The following P2RX5 variants were observed in gnomAD, a reference collection of about 807,000 sequenced individuals.
The protein encoded by P2RX5 is purinergic receptor P2X 5.
A neutral mutation model predicts 54.1 loss-of-function variants in P2RX5; 46 were observed. The ratio of observed to expected loss-of-function variants is 0.85; its 90% CI spans 0.67 to 1.09. The LOEUF is 1.09. Among genes scored for constraint, P2RX5 ranks in the 50% least tolerant of loss-of-function variants. P2RX5 has a pLI of 0.00. For missense variants in P2RX5, 566 were observed against 549.8 expected (o/e 1.03, Z -0.29); for synonymous variants, 226 against 226.4 (o/e 1.00, Z 0.02).
At chr17:3,700,831 C>G (rs1461084320), upstream of P2RX5, among the ~76,000 whole-genome samples, 1 of 152,156 alleles carries the variant, frequency 6.6e-6, no homozygotes, top group Non-Finnish European at 1.5e-5. Context: ...TCCTCTCTCT[C>G]CTGCTGCCTC....
intron 9 of P2RX5, among the ~76,000 whole-genome samples, chr17:3,684,959 C>A (rs754297794): frequency 6.6e-6 from 1 of 151,290 alleles, no homozygotes; most frequent in East Asian, 2.0e-4. Flanking sequence ...GATTCTCCTG[C>A]CTCAGCCTCC....
At chr17:3,723,286 A>G in the P2RX5 span, 2 of 1,600,852 alleles carry the variant, frequency 1.2e-6, no homozygotes, top group Non-Finnish European at 8.6e-7. Context: ...AGTCTCAAAC[A>G]CCTCCTCAGA....
the P2RX5 span, among the ~76,000 whole-genome samples, chr17:3,716,319 C>G: frequency 6.6e-6 from 1 of 152,152 alleles, no homozygotes; most frequent in Non-Finnish European, 1.5e-5. Flanking sequence ...ACAGTCACAT[C>G]TGTTTTAAGG....
At chr17:3,676,092 T>G in intron 11 of P2RX5, 1 of 985,404 alleles carries the variant, frequency 1.0e-6, no homozygotes, top group Non-Finnish European at 1.2e-6. Flanking sequence ...CAGACAGCAC[T>G]GGGACTGGTT....
chr17:3,719,619 T>G, the P2RX5 span, among the ~76,000 whole-genome samples: 1 of 152,232 alleles, frequency 6.6e-6, no homozygotes, highest in Non-Finnish European at 1.5e-5. Flanking sequence ...TATAAAAGAT[T>G]TATGCATTCC....
chr17:3,711,666 G>A, the P2RX5 span, among the ~76,000 whole-genome samples: 1 of 151,558 alleles, frequency 6.6e-6, no homozygotes, highest in Non-Finnish European at 1.5e-5. Context: ...TTACAGGCGT[G>A]AGCCACTGCG....
At chr17:3,692,008 C>A in intron 1 of P2RX5, 1 of 585,010 alleles carries the variant, frequency 1.7e-6, no homozygotes, top group East Asian at 2.9e-5. Flanking sequence ...ACAAGCAACC[C>A]TAGAGATGGG....
chr17:3,706,893 C>T, the P2RX5 span, among the ~76,000 whole-genome samples: 104,353 of 152,062 alleles, frequency 0.69, 38,208 homozygotes, highest in East Asian at 0.96. Context: ...TACAGGCGTG[C>T]GCCACTGCGC....
chr17:3,696,151 G>C lies in P2RX5; in HGVS notation c.-146C>G. 1 of 718,672 alleles carries C rather than the reference G, an allele frequency of 1.4e-6. No individual in the cohort carries two copies. The highest frequency in any genetic ancestry group is 1.9e-6 in the Non-Finnish European group (1 of 519,306). 44.5% of individuals were successfully genotyped at this position (718,672 alleles called of 1,614,324 possible). A position where few individuals can be genotyped will look rare whatever the true frequency, so the allele number is the denominator to read the frequency against. On this transcript the variant is annotated 5_prime_UTR_variant, in exon 1 of 12. Transcript: ENST00000225328. ...AGCCCGGGGTGTCCGGCAGGGCTGC[G>C]GGGCGCGGGGGCGGGTCGGGGCGGC...
the P2RX5 span, chr17:3,723,760 T>G: frequency 6.2e-7 from 1 of 1,606,290 alleles, no homozygotes; most frequent in Non-Finnish European, 8.5e-7. Flanking sequence ...ACGAGAGCCA[T>G]GACCGCGACG....
intron 1 of P2RX5, among the ~76,000 whole-genome samples, chr17:3,692,700 G>A (rs1381659688): frequency 1.3e-5 from 2 of 152,090 alleles, no homozygotes; most frequent in African/African-American, 2.4e-5. Flanking sequence ...AAGTAATCTA[G>A]GCATGGTGGC....
the P2RX5 span, among the ~76,000 whole-genome samples, chr17:3,701,383 TG>T: frequency 6.6e-6 from 1 of 152,072 alleles, no homozygotes; most frequent in Non-Finnish European, 1.5e-5. Context: ...TGCAGTGAAG[TG>T]ATGAGAACTA....
At chr17:3,679,467 C>T in intron 11 of P2RX5, 123 bp downstream of exon 11, 1 of 851,606 alleles carries the variant, frequency 1.2e-6, no homozygotes, top group South Asian at 1.5e-5. Flanking sequence ...GATGTCCTGC[C>T]TTGTGGCCAG....
rs538168380 is a variant in P2RX5 at position 3,695,880 on chromosome 17, C to T, written c.126G>A (p.Ala42=). 1.6e-5 allele frequency: 25 copies of T among 1,610,178 alleles called. No homozygotes were observed. In the East Asian group the frequency reaches 5.4e-4, roughly 35 times the overall value. ...LYRLLQASIL[A]YLVVWVFLIK... ...CGCGGAGAACTTACACGACCAGGTA[C>T]GCCAGGATGGAGGCCTGCAGCAGCC... The change falls in exon 1 of 12, where the codon GCG becomes GCA. Residue 42 remains alanine, a synonymous_variant. Coordinates refer to ENST00000225328, the MANE Select transcript of P2RX5 (RefSeq NM_002561.4).
Position 3,688,686 on chromosome 17 carries a change from T to C in P2RX5, c.827A>G (p.Tyr276Cys). 1 of 1,613,796 alleles carries C rather than the reference T, an allele frequency of 6.2e-7. No individual in the cohort carries two copies. The highest frequency in any genetic ancestry group is 1.3e-5 in the African/African-American group (1 of 75,026). ...TTTATTGTCCAGACGGCTAAAAGAA[T>C]AGTGAGGGTGGCACTCAGAGGCAGC... ...DKAASECHPHYSFSRLDNKLS... is the reference protein window; with the variant it reads ...DKAASECHPHCSFSRLDNKLS... The change falls in exon 8 of 12, where the codon TAT becomes TGT. Residue 276 changes from tyrosine (Y) to cysteine (C), a missense_variant. Tyr to Cys is a radical substitution (Grantham distance 194). Transcript: ENST00000225328.
At chr17:3,680,354 A>T (rs1438849167) in intron 10 of P2RX5, among the ~76,000 whole-genome samples, 92 of 17,540 alleles carry the variant, frequency 5.2e-3, no homozygotes, top group Admixed American at 0.011. Context: ...TCCTCCACCC[A>T]GTGTCCTCCA....
rs370393044 is a variant in P2RX5 at position 3,689,645 on chromosome 17, T to C, written c.615-15A>G. The C allele has an allele frequency of 4.3e-6, 7 of 1,614,066 alleles. No individual in the cohort carries two copies. Among genetic ancestry groups the C allele is most frequent in the Middle Eastern group, 1.7e-4 (1 of 6,046 alleles). On this transcript the variant is annotated splice_polypyrimidine_tract_variant and intron_variant, in intron 6 of 11. Coordinates refer to ENST00000225328, the MANE Select transcript of P2RX5 (RefSeq NM_002561.4). ...TCACATTGCTTCTGGGTGGAGGCCA[T>C]GGGCAGCCGAGAAATGAAGTAAGAC...
chr17:3,676,747 G>T (rs572845336), intron 11 of P2RX5: 7 of 234,170 alleles, frequency 3.0e-5, no homozygotes, highest in Non-Finnish European at 4.2e-5. Context: ...AGCAGGCTCC[G>T]GTCCCTGGAC....
upstream of P2RX5, among the ~76,000 whole-genome samples, chr17:3,698,136 T>C (rs546433845): frequency 2.1e-4 from 32 of 152,144 alleles, no homozygotes; most frequent in South Asian, 6.7e-3. Context: ...TTGGCTCTCC[T>C]GCCAGCCTCC....
Sources: allele counts gnomAD v4.1 joint callset (sites outside exome capture counted in the v4.1 genomes callset), GRCh38; gene constraint gnomAD v4.1.1; transcripts MANE v1.5; gene names NCBI Gene and HGNC (gene_info 2026-07-23, HGNC 2026-07-21).